The following HAPLN1 variants were observed in gnomAD, a reference collection of about 807,000 sequenced individuals.
HAPLN1 encodes the protein Cartilage link protein.
In HAPLN1, 13 loss-of-function variants were observed where a neutral mutation model predicts 36.5. The observed-to-expected ratio is 0.36, with a 90% CI of 0.23 to 0.57. HAPLN1 has a LOEUF of 0.57. HAPLN1 is among the 20% of genes least tolerant of loss of function. HAPLN1 has a pLI of 0.83. For synonymous variants in HAPLN1, 202 were observed against 169.8 expected, an observed-to-expected ratio of 1.19 and a Z score of -1.48; for missense variants, 407 against 439.7, an observed-to-expected ratio of 0.93 and a Z score of 0.66.
chr5:83,651,914 G>A (rs34889802), intron 3 of HAPLN1: 22,757 of 152,212 alleles, frequency 0.15, 2,168 homozygotes, highest in Non-Finnish European at 0.21. Context: ...AAAATGCCTC[G>A]ACCGTATGGC....
At chr5:83,668,486 C>G (rs957134700) in intron 2 of HAPLN1, among the ~76,000 whole-genome samples, 12 of 152,204 alleles carry the variant, frequency 7.9e-5, no homozygotes, top group African/African-American at 2.9e-4. Flanking sequence ...CAATCGCTAC[C>G]AAAGTCCTTT....
intron 3 of HAPLN1, among the ~76,000 whole-genome samples, chr5:83,649,818 T>C (rs2112562710): frequency 6.6e-6 from 1 of 152,362 alleles, no homozygotes; most frequent in Admixed American, 6.5e-5. Flanking sequence ...TTTGAAAGTT[T>C]AAACACTTTG....
In HAPLN1 at chr5:83,651,452, C is replaced by A. The variant is rs555040373; in HGVS notation, c.472+1001G>T. 1.5e-3 allele frequency among the ~76,000 whole-genome samples: 221 copies of A among 152,210 alleles called. 2 individuals carry two copies. Among genetic ancestry groups the A allele is most frequent in the African/African-American group, 4.9e-3 (203 of 41,528 alleles). ...AGCAAAAGTGGCATGTACTCAGGGG[C>A]CAAGAACTACCTATGAGAGACAACG... On this transcript the variant is annotated intron_variant, in intron 3 of 4. Transcript: ENST00000274341.
At chr5:83,718,681 G>T (rs1751963661) in intron 1 of HAPLN1, among the ~76,000 whole-genome samples, 2 of 152,136 alleles carry the variant, frequency 1.3e-5, no homozygotes, top group South Asian at 4.1e-4. Context: ...ACTACTCATG[G>T]CTGCAGGATG....
chr5:83,690,491 C>A (rs1041973065), intron 1 of HAPLN1, among the ~76,000 whole-genome samples: 1 of 151,886 alleles, frequency 6.6e-6, no homozygotes, highest in Non-Finnish European at 1.5e-5. Context: ...ATGAACAATT[C>A]TTTGAGAAAT....
chr5:83,670,134 T>C (rs1295560867), intron 2 of HAPLN1, among the ~76,000 whole-genome samples: 2 of 152,222 alleles, frequency 1.3e-5, no homozygotes, highest in African/African-American at 4.8e-5. Context: ...AGTGTATTCA[T>C]CATCTCTAAA....
chr5:83,714,471 A>G (rs920493362), intron 1 of HAPLN1, among the ~76,000 whole-genome samples: 1 of 152,218 alleles, frequency 6.6e-6, no homozygotes, highest in African/African-American at 2.4e-5. Flanking sequence ...GATTCATGTC[A>G]CTTTTATAAA....
At chr5:83,661,067 A>G (rs1750371530) in intron 2 of HAPLN1, among the ~76,000 whole-genome samples, 1 of 152,170 alleles carries the variant, frequency 6.6e-6, no homozygotes, top group Non-Finnish European at 1.5e-5. Context: ...AGAAATTCAC[A>G]TCTCATCAAC....
chr5:83,694,067 A>G (rs545959730), intron 1 of HAPLN1, among the ~76,000 whole-genome samples: 2 of 152,114 alleles, frequency 1.3e-5, no homozygotes, highest in Admixed American at 1.3e-4. Context: ...ATTCTCAAGA[A>G]ATGTAAAAGG....
intron 1 of HAPLN1, among the ~76,000 whole-genome samples, chr5:83,708,707 A>G (rs1462753019): frequency 1.3e-5 from 2 of 152,190 alleles, no homozygotes; most frequent in Admixed American, 6.5e-5. Flanking sequence ...CCACTAAACT[A>G]AAAGTTAAAA....
intron 2 of HAPLN1, among the ~76,000 whole-genome samples, chr5:83,661,306 A>G (rs1447203226): frequency 1.3e-5 from 2 of 150,818 alleles, no homozygotes; most frequent in Non-Finnish European, 2.9e-5. Context: ...CCCTTCCTCT[A>G]TTTCCTTGGG....
chr5:83,648,708 G>A (rs2112561163), intron 3 of HAPLN1, among the ~76,000 whole-genome samples: 1 of 152,122 alleles, frequency 6.6e-6, no homozygotes, highest in East Asian at 1.9e-4. Flanking sequence ...GCCCTTTGGT[G>A]CATGTTAGAA....
At chr5:83,647,603 C>CAAGG (rs1191447669) in intron 3 of HAPLN1, among the ~76,000 whole-genome samples, 1 of 152,068 alleles carries the variant, frequency 6.6e-6, no homozygotes, top group African/African-American at 2.4e-5. Context: ...AAAAAATGTG[C>CAAGG]AATTCTTACA....
intron 1 of HAPLN1, among the ~76,000 whole-genome samples, chr5:83,691,400 G>A (rs970299444): frequency 6.6e-6 from 1 of 151,976 alleles, no homozygotes; most frequent in African/African-American, 2.4e-5. Context: ...TGATCCTAAA[G>A]GATTAGTCTT....
intron 1 of HAPLN1, among the ~76,000 whole-genome samples, chr5:83,684,367 A>T (rs1751073898): frequency 6.6e-6 from 1 of 152,090 alleles, no homozygotes. Context: ...AAGCAATATA[A>T]AAGAACAGGG....
At chr5:83,675,698 G>A (rs557840220) in intron 1 of HAPLN1, among the ~76,000 whole-genome samples, 7 of 152,236 alleles carry the variant, frequency 4.6e-5, no homozygotes, top group African/African-American at 1.4e-4. Flanking sequence ...TAAACGTCTT[G>A]AGTGCTTGTG....
chr5:83,678,479 C>T (rs1750914805), intron 1 of HAPLN1, among the ~76,000 whole-genome samples: 3 of 151,962 alleles, frequency 2.0e-5, no homozygotes, highest in South Asian at 2.1e-4. Context: ...GATGATTTGC[C>T]GTGGTTTATT....
In HAPLN1 at chr5:83,662,896, C is replaced by T. The variant is rs566685089; in HGVS notation, c.101-10072G>A. Among the ~76,000 whole-genome samples, 13 of 152,182 alleles carry T rather than the reference C, an allele frequency of 8.5e-5. No homozygotes were observed. In the South Asian group the frequency reaches 1.5e-3, roughly 17 times the overall value. ...TGTCTTCACTTAGTAAAGAAGACGTCGAAATAATCCCATCACAGGAGTCAA... is the reference window on the plus strand; with the variant it reads ...TGTCTTCACTTAGTAAAGAAGACGTTGAAATAATCCCATCACAGGAGTCAA... On this transcript the variant is annotated intron_variant, in intron 2 of 4. Transcript: ENST00000274341.
intron 2 of HAPLN1, among the ~76,000 whole-genome samples, chr5:83,667,399 T>A (rs895658337): frequency 6.6e-6 from 1 of 152,188 alleles, no homozygotes; most frequent in Non-Finnish European, 1.5e-5. Context: ...TGCTAATTTT[T>A]ATAATTCCAC....
Sources: allele counts gnomAD v4.1 joint callset (sites outside exome capture counted in the v4.1 genomes callset), GRCh38; gene constraint gnomAD v4.1.1; transcripts MANE v1.5; gene names NCBI Gene and HGNC (gene_info 2026-07-23, HGNC 2026-07-21).